PCDH15: variants seen among roughly 807,000 people sequenced by gnomAD.
PCDH15 encodes the protein protocadherin-15.
In PCDH15, 129 loss-of-function variants were observed where a neutral mutation model predicts 178.5. The observed-to-expected ratio is 0.72, with a 90% CI of 0.63 to 0.84. The LOEUF is 0.84. Ranked by LOEUF, PCDH15 falls within the 40% of genes least tolerant of loss-of-function variation. The probability of loss-of-function intolerance (pLI) is 0.00; values close to 1 mark genes in which losing one functional copy is unlikely to be tolerated. For missense variants in PCDH15, 2,230 were observed against 2,099.9 expected (o/e 1.06, Z -1.21); for synonymous variants, 800 against 732.0 (o/e 1.09, Z -1.50).
At chr10:54,892,881 C>T (rs1479864932) in intron 3 of PCDH15, among the ~76,000 whole-genome samples, 2 of 151,798 alleles carry the variant, frequency 1.3e-5, no homozygotes, top group Non-Finnish European at 1.5e-5. Context: ...TACCTGCCAC[C>T]ACACCTATTT....
intron 3 of PCDH15, among the ~76,000 whole-genome samples, chr10:54,414,577 T>C (rs1954044072): frequency 6.6e-6 from 1 of 152,180 alleles, no homozygotes; most frequent in African/African-American, 2.4e-5. Context: ...CTTGATACTT[T>C]ATTTAAAACA....
chr10:54,679,864 C>T (rs1297362458), intron 1 of PCDH15, among the ~76,000 whole-genome samples: 1 of 152,052 alleles, frequency 6.6e-6, no homozygotes, highest in Non-Finnish European at 1.5e-5. Context: ...CTCATTTTTT[C>T]CAATAGCTTG....
chr10:54,365,629 A>C (rs1305377078), intron 5 of PCDH15, among the ~76,000 whole-genome samples: 1 of 152,118 alleles, frequency 6.6e-6, no homozygotes, highest in Non-Finnish European at 1.5e-5. Flanking sequence ...GAACCTCAAA[A>C]ACCTGCCATC....
At chr10:54,792,923 C>T (rs1160080297) in intron 1 of PCDH15, among the ~76,000 whole-genome samples, 1 of 151,710 alleles carries the variant, frequency 6.6e-6, no homozygotes, top group Non-Finnish European at 1.5e-5. Flanking sequence ...GTACTGAGTC[C>T]CCCATTCCCA....
At chr10:54,622,235 T>C (rs949720610) in intron 2 of PCDH15, among the ~76,000 whole-genome samples, 10 of 151,816 alleles carry the variant, frequency 6.6e-5, no homozygotes, top group African/African-American at 2.4e-4. Context: ...GCTCTATGTA[T>C]CTACCGGAGG....
At chr10:54,041,395 GAAC>G (rs1422806615) in intron 18 of PCDH15, among the ~76,000 whole-genome samples, 1 of 151,980 alleles carries the variant, frequency 6.6e-6, no homozygotes, top group Non-Finnish European at 1.5e-5. Flanking sequence ...ACTTTAAGCT[GAAC>G]AACATTTTCA....
At position 55,582,214 on chromosome 10, in the gene PCDH15, C is replaced by T. The variant is rs533064875; in HGVS notation, c.-156+45411G>A. Among the ~76,000 whole-genome samples, 6 of 152,214 alleles carry T rather than the reference C, an allele frequency of 3.9e-5. No homozygotes were observed. The South Asian group carries it at 1.2e-3, about 32-fold the overall frequency. On this transcript the variant is annotated intron_variant, in intron 2 of 5. Transcript: ENST00000613346. ...CAACCAATCTAGAATCTCATAAAGTCTCATCCCTGCTGAGAAGCTCATCCA... is the reference window on the plus strand; with the variant it reads ...CAACCAATCTAGAATCTCATAAAGTTTCATCCCTGCTGAGAAGCTCATCCA...
intron 3 of PCDH15, among the ~76,000 whole-genome samples, chr10:54,851,102 C>A (rs1953613425): frequency 6.6e-6 from 1 of 151,896 alleles, no homozygotes; most frequent in East Asian, 1.9e-4. Context: ...ATTTGGAAGG[C>A]AAATAAGGTA....
chr10:53,992,358 G>A (rs1435256591), intron 21 of PCDH15, among the ~76,000 whole-genome samples: 4 of 152,146 alleles, frequency 2.6e-5, no homozygotes, highest in Admixed American at 6.5e-5. Context: ...TGAAGTCGGT[G>A]AGACCAAGAA....
intron 1 of PCDH15, among the ~76,000 whole-genome samples, chr10:55,263,896 G>A (rs207470954): frequency 6.6e-6 from 1 of 151,832 alleles, no homozygotes; most frequent in African/African-American, 2.4e-5. Context: ...CACCACGCCC[G>A]GCTAATTTTT....
At chr10:54,199,398 GA>G (rs2050006394) in intron 10 of PCDH15, among the ~76,000 whole-genome samples, 1 of 151,992 alleles carries the variant, frequency 6.6e-6, no homozygotes, top group African/African-American at 2.4e-5. Flanking sequence ...CAGGTCTCCT[GA>G]TTTTTAAGAG....
At chr10:54,324,861 C>T (rs1172089129) in intron 7 of PCDH15, among the ~76,000 whole-genome samples, 1 of 151,886 alleles carries the variant, frequency 6.6e-6, no homozygotes, top group Non-Finnish European at 1.5e-5. Flanking sequence ...ATATATTTCA[C>T]TCAGGATAAC....
chr10:55,124,416 C>T (rs1837848016), intron 2 of PCDH15, among the ~76,000 whole-genome samples: 1 of 152,084 alleles, frequency 6.6e-6, no homozygotes, highest in Admixed American at 6.6e-5. Flanking sequence ...TAAACATGCA[C>T]ACACACACTT....
At chr10:55,000,693 G>T (rs1839777164) in intron 2 of PCDH15, among the ~76,000 whole-genome samples, 1 of 152,174 alleles carries the variant, frequency 6.6e-6, no homozygotes, top group African/African-American at 2.4e-5. Flanking sequence ...ACAGGCGTAA[G>T]AAATTATAAA....
intron 3 of PCDH15, among the ~76,000 whole-genome samples, chr10:54,393,657 C>A (rs1047405128): frequency 4.6e-4 from 70 of 152,212 alleles, no homozygotes; most frequent in African/African-American, 1.6e-3. Flanking sequence ...AAAATATAAT[C>A]TGTATTTTAT....
chr10:55,236,191 C>T (rs770355346), intron 1 of PCDH15, among the ~76,000 whole-genome samples: 1 of 151,738 alleles, frequency 6.6e-6, no homozygotes, highest in Non-Finnish European at 1.5e-5. Context: ...ATCTAGCAGA[C>T]GTCTTGTTGC....
At chr10:54,918,999 T>C in intron 2 of PCDH15, among the ~76,000 whole-genome samples, 1 of 152,170 alleles carries the variant, frequency 6.6e-6, no homozygotes, top group East Asian at 1.9e-4. Flanking sequence ...ATCACTCATT[T>C]AGGAAAAGAT....
chr10:54,536,982 G>A (rs995287897), intron 2 of PCDH15, among the ~76,000 whole-genome samples: 2 of 147,614 alleles, frequency 1.4e-5, no homozygotes, highest in African/African-American at 5.0e-5. Flanking sequence ...ACTATTTGGT[G>A]GAACAATTTG....
intron 2 of PCDH15, among the ~76,000 whole-genome samples, chr10:55,151,402 T>C (rs1371243261): frequency 6.6e-6 from 1 of 152,088 alleles, no homozygotes; most frequent in Non-Finnish European, 1.5e-5. Context: ...TAAGTGACTT[T>C]ATATATGAAA....
Sources: allele counts gnomAD v4.1 joint callset (sites outside exome capture counted in the v4.1 genomes callset), GRCh38; gene constraint gnomAD v4.1.1; transcripts MANE v1.5; gene names NCBI Gene and HGNC (gene_info 2026-07-23, HGNC 2026-07-21).